Variants in POLR2H observed in about 807,000 individuals in gnomAD.
POLR2H encodes DNA-directed RNA polymerases I, II, and III subunit RPABC3.
A neutral mutation model predicts 18.1 loss-of-function variants in POLR2H; 3 were observed. The observed-to-expected ratio is 0.17, with a 90% CI of 0.08 to 0.43. The LOEUF is 0.43. POLR2H is among the 20% of genes least tolerant of loss of function. The pLI is 0.99. For missense variants in POLR2H, 103 were observed against 184.6 expected (o/e 0.56, Z 2.56); for synonymous variants, 76 against 69.0 (o/e 1.10, Z -0.50).
At chr3:184,366,236 G>A (rs1477528981) in intron 4 of POLR2H, among the ~76,000 whole-genome samples, 1 of 152,052 alleles carries the variant, frequency 6.6e-6, no homozygotes, top group East Asian at 1.9e-4. Flanking sequence ...CAATAAAATA[G>A]AGATGGTCAT....
rs1356574786 is a variant in POLR2H, at chr3:184,363,377, C to G, written c.-116C>G. The G allele has an allele frequency of 3.5e-6, 3 of 850,568 alleles. No homozygotes were observed. Among genetic ancestry groups the G allele is most frequent in the Non-Finnish European group, 5.9e-6 (3 of 509,606 alleles). 52.7% of individuals were successfully genotyped at this position (850,568 alleles called of 1,614,324 possible). A position where few individuals can be genotyped will look rare whatever the true frequency, so the allele number is the denominator to read the frequency against. On this transcript the variant is annotated 5_prime_UTR_variant, in exon 2 of 6. Transcript: ENST00000456318. ...GCATGCGCCACTCTCGTCTGGCCGC[C>G]GCGCTTTCAGGAGGTGCTTTTGGTT...
At position 184,362,189 on chromosome 3, in the gene POLR2H, G is replaced by C. The variant is rs1234622760; in HGVS notation, c.-621+43G>C. 1.3e-5 allele frequency: 2 copies of C among 152,340 alleles called. No individual in the cohort carries two copies. Among genetic ancestry groups the C allele is most frequent in the Non-Finnish European group, 2.9e-5 (2 of 68,150 alleles). 9.4% of individuals were successfully genotyped at this position (152,340 alleles called of 1,614,324 possible). A position where few individuals can be genotyped will look rare whatever the true frequency, so the allele number is the denominator to read the frequency against. ...AACCGGGCCTGCGGGGTGTGCGGGG[G>C]TGGAGGTTGGGGAGGGCACCGGAAG... On this transcript the variant is annotated intron_variant, in intron 1 of 5. Coordinates refer to ENST00000456318, the MANE Select transcript of POLR2H (RefSeq NM_006232.5). This position sits in a 1 kb window ranked among gnomAD's most constrained non-coding sequence, Gnocchi z 5.9.
chr3:184,366,884 C>A, intron 5 of POLR2H, 84 bp downstream of exon 5: 1 of 837,650 alleles, frequency 1.2e-6, no homozygotes, highest in South Asian at 1.4e-5. Context: ...TCTGTTGAGT[C>A]CCTCTCCTCA....
At chr3:184,364,159 T>C (rs1269861418) in intron 2 of POLR2H, among the ~76,000 whole-genome samples, 1 of 152,216 alleles carries the variant, frequency 6.6e-6, no homozygotes, top group African/African-American at 2.4e-5. Context: ...TCAGAGCCTA[T>C]ATTCTTGTAT....
rs902579481 is a variant in POLR2H, at chr3:184,368,031, G to A, written c.336-146G>A. The A allele has an allele frequency of 6.0e-6, 7 of 1,157,686 alleles. No homozygotes were observed. In the African/African-American group the frequency reaches 1.0e-4, roughly 17 times the overall value. The allele number at this position is 1,157,686 out of a possible 1,614,324, so 71.7% of individuals were successfully genotyped here. A position where few individuals can be genotyped will look rare whatever the true frequency, so the allele number is the denominator to read the frequency against. On this transcript the variant is annotated intron_variant, in intron 5 of 5. Coordinates refer to ENST00000456318, the MANE Select transcript of POLR2H (RefSeq NM_006232.5). ...TTAGGCTGAGATGGAACAGTGCCTTGCACATACCTGTGCATTGATCTTTGT... is the reference window on the plus strand; with the variant it reads ...TTAGGCTGAGATGGAACAGTGCCTTACACATACCTGTGCATTGATCTTTGT...
rs1242668650 is a variant in POLR2H at position 184,362,346 on chromosome 3, A to C, written c.-621+200A>C. 6.6e-6 allele frequency: 1 copy of C among 152,386 alleles called. No individual in the cohort carries two copies. The highest frequency in any genetic ancestry group is 1.5e-5 in the Non-Finnish European group (1 of 68,250). The allele number at this position is 152,386 out of a possible 1,614,324, so 9.4% of individuals were successfully genotyped here. ...GCTTCCATCCCTCCGCTTTGGGGGA[A>C]CTGCCTGCTGGTGTTCTGGGTTCTC... On this transcript the variant is annotated intron_variant, in intron 1 of 5. Transcript: ENST00000456318. The surrounding 1 kb of genome is among the most constrained non-coding windows in gnomAD (Gnocchi z 5.9).
At chr3:184,367,679 A>G (rs1047929829) in intron 5 of POLR2H, among the ~76,000 whole-genome samples, 25 of 151,570 alleles carry the variant, frequency 1.6e-4, no homozygotes, top group Non-Finnish European at 3.5e-4. Flanking sequence ...TTTAGTAGAG[A>G]CAGGGTTTCA....
At chr3:184,367,810 C>T (rs572377763) in intron 5 of POLR2H, among the ~76,000 whole-genome samples, 5 of 152,284 alleles carry the variant, frequency 3.3e-5, no homozygotes, top group South Asian at 2.1e-4. Context: ...TTTTCTTAAA[C>T]GTTTCAATAG....
chr3:184,367,789 C>T (rs377064236), intron 5 of POLR2H, among the ~76,000 whole-genome samples: 12 of 152,014 alleles, frequency 7.9e-5, no homozygotes, highest in Non-Finnish European at 1.8e-4. Flanking sequence ...CGTGCCCGGC[C>T]GGTGTAAAGC....
chr3:184,367,639 A>G (rs1215728441), intron 5 of POLR2H, among the ~76,000 whole-genome samples: 1 of 150,922 alleles, frequency 6.6e-6, no homozygotes, highest in African/African-American at 2.4e-5. Flanking sequence ...GGCACCCACC[A>G]CCATGCCTGG....
chr3:184,365,509 G>C (rs1220525076), intron 4 of POLR2H: 9 of 332,542 alleles, frequency 2.7e-5, no homozygotes, highest in East Asian at 5.8e-5. Context: ...AAAAAGAAGA[G>C]AGAAAAAAAA....
At chr3:184,365,849 G>T (rs1332956213) in intron 4 of POLR2H, among the ~76,000 whole-genome samples, 1 of 150,134 alleles carries the variant, frequency 6.7e-6, no homozygotes, top group African/African-American at 2.4e-5. Flanking sequence ...AGTGGCGGGC[G>T]CCTGTAGTCC....
chr3:184,366,601 G>C, intron 4 of POLR2H, 116 bp from the exon 5 acceptor site: 1 of 620,290 alleles, frequency 1.6e-6, no homozygotes, highest in Non-Finnish European at 3.0e-6. Flanking sequence ...GCCTCCCAAA[G>C]TGCTGGGGTT....
rs1178435440 is a variant in POLR2H at position 184,363,087 on chromosome 3, C to A, written c.-406C>A. ...AGGGCTAGGGCCCGGCTTCTCTGGGCCAAGGATCAAGGTCCCTGCCTGGGT... is the reference window on the plus strand; with the variant it reads ...AGGGCTAGGGCCCGGCTTCTCTGGGACAAGGATCAAGGTCCCTGCCTGGGT... On this transcript the variant is annotated 5_prime_UTR_variant, in exon 2 of 6. Transcript: ENST00000456318. 3.6e-6 allele frequency: 1 copy of A among 275,750 alleles called. No individual in the cohort carries two copies. Among genetic ancestry groups the A allele is most frequent in the African/African-American group, 2.3e-5 (1 of 42,900 alleles). The allele number at this position is 275,750 out of a possible 1,614,324, so 17.1% of individuals were successfully genotyped here.
chr3:184,367,857 C>G (rs776080194), intron 5 of POLR2H, among the ~76,000 whole-genome samples: 2 of 152,184 alleles, frequency 1.3e-5, no homozygotes, highest in Non-Finnish European at 2.9e-5. Flanking sequence ...TGTCTTGATT[C>G]ATTTGAACAT....
chr3:184,366,858 CT>C, intron 5 of POLR2H, 58 bp downstream of exon 5: 1 of 1,033,364 alleles, frequency 9.7e-7, no homozygotes, highest in Non-Finnish European at 1.5e-6. Context: ...AGACTTTGAG[CT>C]ATGCTCCTGC....
At position 184,363,542 on chromosome 3, in the gene POLR2H, C is replaced by T. The variant is rs1712673302; in HGVS notation, c.50C>T (p.Pro17Leu). 5 of 1,614,008 alleles carry T rather than the reference C, an allele frequency of 3.1e-6. No homozygotes were observed. The highest frequency in any genetic ancestry group is 4.2e-6 in the Non-Finnish European group (5 of 1,179,930). ...ATTTTCGATGTGAAGGATATTGACC[C>T]GGAGGGCAAGAAGTTTGACCGAGGT... ...EDIFDVKDID[P>L]EGKKFDRVSR... Residue 17 changes from proline to leucine, a missense_variant, in exon 2 of 6, where the codon CCG becomes CTG. Transcript: ENST00000456318.
chr3:184,366,899 C>T (rs1477684202), intron 5 of POLR2H, 99 bp downstream of exon 5: 1 of 743,370 alleles, frequency 1.3e-6, no homozygotes, highest in Non-Finnish European at 2.4e-6. Context: ...TCCTCAGGCA[C>T]CTCAGACCGA....
chr3:184,364,777 C>T lies in POLR2H; in HGVS notation c.74-189C>T, dbSNP rs1712945685. 6 of 581,228 alleles carry T rather than the reference C, an allele frequency of 1.0e-5. No homozygotes were observed. The East Asian group carries it at 1.7e-4, about 16-fold the overall frequency. The allele number at this position is 581,228 out of a possible 1,614,324, so 36.0% of individuals were successfully genotyped here. On this transcript the variant is annotated intron_variant, in intron 2 of 5. Transcript: ENST00000456318. Reference sequence around the variant, plus strand: ...GGTTGTTTTCTGGGGATTACGTTCGCTTGCCACAGTTTTTCTCCCCTTTTC... The same window carrying T: ...GGTTGTTTTCTGGGGATTACGTTCGTTTGCCACAGTTTTTCTCCCCTTTTC...
Sources: allele counts gnomAD v4.1 joint callset (sites outside exome capture counted in the v4.1 genomes callset), GRCh38; gene constraint gnomAD v4.1.1; non-coding constraint Gnocchi (gnomAD v3.1); transcripts MANE v1.5; gene names NCBI Gene and HGNC (gene_info 2026-07-23, HGNC 2026-07-21).